REEP5: variants seen among roughly 807,000 people sequenced by gnomAD.
REEP5 encodes receptor accessory protein 5, also known as receptor expression-enhancing protein 5.
A neutral mutation model predicts 22.4 loss-of-function variants in REEP5; 24 were observed. The ratio of observed to expected loss-of-function variants is 1.07; its 90% confidence interval spans 0.78 to 1.51. The LOEUF is 1.51. REEP5 is among the 40% of genes most tolerant of loss of function. The pLI is 0.00. For synonymous variants in REEP5, 103 were observed against 88.6 expected (o/e 1.16, Z -0.92); for missense variants, 252 against 233.0 (o/e 1.08, Z -0.53).
Position 112,921,194 on chromosome 5 carries a change from G to C in REEP5, c.181C>G (p.Leu61Val). Residue 61 changes from leucine to valine, a missense_variant, in exon 2 of 5, where the codon CTG becomes GTG. Physicochemically the swap from Leu to Val is conservative, Grantham distance 32. Transcript: ENST00000379638. ...TAGGCTGGGTAGCCAAATCCTATCA[G>C]GTTGCAGAGGAGAGAGGCTCCATAA... ...FGYGASLLCN[L>V]IGFGYPAYIS... 2.5e-6 allele frequency: 4 copies of C among 1,614,180 alleles called. No individual in the cohort carries two copies. Among genetic ancestry groups the C allele is most frequent in the Non-Finnish European group, 3.4e-6 (4 of 1,180,026 alleles).
chr5:112,892,217 C>A, intron 3 of REEP5: 3 of 1,614,090 alleles, frequency 1.9e-6, no homozygotes, highest in Non-Finnish European at 2.5e-6. Context: ...GACAGATGTT[C>A]ACGTAAACAT....
Position 112,922,060 on chromosome 5 carries a change from C to G in REEP5, c.118+13G>C, listed in dbSNP as rs779390863. 1 of 1,585,282 alleles carries G rather than the reference C, an allele frequency of 6.3e-7. No individual in the cohort carries two copies. The highest frequency in any genetic ancestry group is 8.6e-7 in the Non-Finnish European group (1 of 1,166,538). ...CGTGGCCCTACCAGCGGCGGCGACC[C>G]CCGGCCACCCACCAAGAGCGATGAA... On this transcript the variant is annotated intron_variant, in intron 1 of 4. Transcript: ENST00000379638.
rs764419605 is a variant in REEP5, at chr5:112,877,390, GACTCTTA to G, written c.*1389_*1395del. The G allele has an allele frequency of 3.3e-5, 5 of 152,108 alleles. No homozygotes were observed. The highest frequency in any genetic ancestry group is 5.9e-5 in the Non-Finnish European group (4 of 68,016). 9.4% of individuals were successfully genotyped at this position (152,108 alleles called of 1,614,324 possible). ...GTTTTAGTCGAGTTTAATTCAAAAG[GACTCTTA>G]ACAGTATGGTGTAAAACTCAGATTT... On this transcript the variant is annotated 3_prime_UTR_variant, in exon 5 of 5. Coordinates refer to ENST00000379638, the MANE Select transcript of REEP5 (RefSeq NM_005669.5).
chr5:112,917,800 G>A (rs1769263264), intron 2 of REEP5, among the ~76,000 whole-genome samples: 1 of 152,190 alleles, frequency 6.6e-6, no homozygotes, highest in African/African-American at 2.4e-5. Context: ...GCTCAGAATA[G>A]GCAAACTCAT....
In REEP5 at chr5:112,922,218, T is replaced by G; in HGVS notation, c.-28A>C. 1 of 1,594,240 alleles carries G rather than the reference T, an allele frequency of 6.3e-7. No individual in the cohort carries two copies. The highest frequency in any genetic ancestry group is 2.3e-5 in the East Asian group (1 of 42,800). On this transcript the variant is annotated 5_prime_UTR_variant, in exon 1 of 5. Transcript: ENST00000379638. Reference sequence around the variant, plus strand: ...CGGGGACCGTCTCGCCGCTCGGGGCTGTTCCTAGTGCCGGATAGACTGGAG... The same window carrying G: ...CGGGGACCGTCTCGCCGCTCGGGGCGGTTCCTAGTGCCGGATAGACTGGAG...
At chr5:112,913,054 A>G (rs1037065502) in intron 2 of REEP5, among the ~76,000 whole-genome samples, 4 of 152,198 alleles carry the variant, frequency 2.6e-5, no homozygotes, top group African/African-American at 9.7e-5. Flanking sequence ...CTGTAATCCC[A>G]ACACTTTGGG....
intron 4 of REEP5, among the ~76,000 whole-genome samples, chr5:112,881,557 G>A (rs1768074803): frequency 1.3e-5 from 2 of 152,098 alleles, no homozygotes; most frequent in Admixed American, 6.5e-5. Flanking sequence ...TTCTCAAGTG[G>A]TGGCTGTTTC....
At chr5:112,915,726 G>A (rs1220215384) in intron 2 of REEP5, among the ~76,000 whole-genome samples, 4 of 152,308 alleles carry the variant, frequency 2.6e-5, no homozygotes, top group Admixed American at 6.5e-5. Flanking sequence ...AAGGCAAAGC[G>A]CAGGCATGCA....
At chr5:112,884,826 G>T (rs1768192008) in intron 4 of REEP5, among the ~76,000 whole-genome samples, 1 of 150,654 alleles carries the variant, frequency 6.6e-6, no homozygotes, top group Admixed American at 6.6e-5. Flanking sequence ...TATATTATAT[G>T]GTAAATATAC....
chr5:112,918,974 A>G (rs1769289324), intron 2 of REEP5, among the ~76,000 whole-genome samples: 2 of 152,226 alleles, frequency 1.3e-5, no homozygotes, highest in Admixed American at 6.5e-5. Context: ...TGCTCATTCA[A>G]CAAGGACAGA....
At position 112,922,062 on chromosome 5, in the gene REEP5, CG is replaced by C. The variant is rs1769386003; in HGVS notation, c.118+10del. 6.3e-7 allele frequency: 1 copy of C among 1,584,858 alleles called. No homozygotes were observed. Among genetic ancestry groups the C allele is most frequent in the Admixed American group, 1.8e-5 (1 of 56,602 alleles). On this transcript the variant is annotated intron_variant, in intron 1 of 4. Transcript: ENST00000379638. ...TGGCCCTACCAGCGGCGGCGACCCC[CG>C]GCCACCCACCAAGAGCGATGAAGCT...
chr5:112,907,356 C>G (rs1358441372), intron 2 of REEP5, among the ~76,000 whole-genome samples: 1 of 152,250 alleles, frequency 6.6e-6, no homozygotes, highest in African/African-American at 2.4e-5. Flanking sequence ...TTACTGCTCT[C>G]TGCACACCTT....
At chr5:112,893,046 A>T in intron 3 of REEP5, 1 of 1,430,546 alleles carries the variant, frequency 7.0e-7, no homozygotes, top group Non-Finnish European at 9.8e-7. Context: ...CGGGTAATAG[A>T]GACAGAACTG....
chr5:112,890,284 T>A (rs1326990760), intron 3 of REEP5, among the ~76,000 whole-genome samples: 1 of 149,938 alleles, frequency 6.7e-6, no homozygotes, highest in Non-Finnish European at 1.5e-5. Context: ...AGCAAGACCC[T>A]GTCTCAAAAA....
At chr5:112,878,875 C>G in intron 4 of REEP5, 40 bp from the exon 5 acceptor site, 1 of 1,613,526 alleles carries the variant, frequency 6.2e-7, no homozygotes, top group Non-Finnish European at 8.5e-7. Context: ...TATATCAAAG[C>G]TCTTTCTTTG....
At chr5:112,913,336 AAAAGAAAGAAAAGAAAG>A (rs1477790422) in intron 2 of REEP5, among the ~76,000 whole-genome samples, 4 of 149,804 alleles carry the variant, frequency 2.7e-5, no homozygotes, top group South Asian at 2.1e-4. Context: ...GACAGAAAGG[AAAAGAAAGAAAAGAAAG>A]AAAGAAAGGA....
At chr5:112,905,440 C>G (rs1440044431) in intron 2 of REEP5, among the ~76,000 whole-genome samples, 1 of 151,570 alleles carries the variant, frequency 6.6e-6, no homozygotes, top group Non-Finnish European at 1.5e-5. Context: ...GCTTGGGAGG[C>G]TGAGGCAGGA....
At chr5:112,895,801 CCACACAG>C (rs1230661836) in intron 3 of REEP5, 1 of 152,148 alleles carries the variant, frequency 6.6e-6, no homozygotes, top group African/African-American at 2.4e-5. Flanking sequence ...TTAAAGTCAC[CCACACAG>C]ATCTGGCTCT....
chr5:112,914,872 C>T (rs1769198320), intron 2 of REEP5, among the ~76,000 whole-genome samples: 1 of 152,182 alleles, frequency 6.6e-6, no homozygotes, highest in Non-Finnish European at 1.5e-5. Context: ...GTGCAAGTGA[C>T]AGAATGAAGT....
Sources: allele counts gnomAD v4.1 joint callset (sites outside exome capture counted in the v4.1 genomes callset), GRCh38; gene constraint gnomAD v4.1.1; transcripts MANE v1.5; gene names NCBI Gene and HGNC (gene_info 2026-07-23, HGNC 2026-07-21).